Variants in PTPRD observed in about 807,000 individuals in gnomAD.
PTPRD encodes receptor-type tyrosine-protein phosphatase delta.
Under a neutral mutation model 214.5 loss-of-function variants are expected in PTPRD, and 34 were observed. The ratio of observed to expected loss-of-function variants is 0.16; its 90% CI spans 0.12 to 0.21. PTPRD has a LOEUF of 0.21. PTPRD is among the 10% of genes least tolerant of loss of function. The pLI is 1.00. For synonymous variants in PTPRD, 1,128 were observed against 845.7 expected, an observed-to-expected ratio of 1.33 and a Z score of -5.79; for missense variants, 2,545 against 2,398.7, an observed-to-expected ratio of 1.06 and a Z score of -1.27.
chr9:9,821,208 T>A (rs1254333277), intron 5 of PTPRD, among the ~76,000 whole-genome samples: 1 of 152,214 alleles, frequency 6.6e-6, no homozygotes, highest in Non-Finnish European at 1.5e-5. Context: ...GATTTGGCTC[T>A]CAACTTGAAG....
intron 3 of PTPRD, among the ~76,000 whole-genome samples, chr9:10,082,232 C>A (rs2098250702): frequency 6.6e-6 from 1 of 152,150 alleles, no homozygotes; most frequent in African/African-American, 2.4e-5. Flanking sequence ...AGGATGCAAA[C>A]ATAGTGTTTG....
intron 2 of PTPRD, among the ~76,000 whole-genome samples, chr9:10,343,647 T>C (rs182184523): frequency 2.6e-4 from 39 of 152,276 alleles, no homozygotes; most frequent in African/African-American, 8.9e-4. Flanking sequence ...TGTTGTTTCC[T>C]GACTTTTTAG....
chr9:9,142,966 T>C (rs1377929357), intron 10 of PTPRD, among the ~76,000 whole-genome samples: 3 of 152,062 alleles, frequency 2.0e-5, no homozygotes, highest in Admixed American at 6.6e-5. Context: ...CCAAAGACCC[T>C]ACCTGTACCC....
At chr9:10,402,283 A>C (rs2098281800) in intron 2 of PTPRD, among the ~76,000 whole-genome samples, 1 of 151,694 alleles carries the variant, frequency 6.6e-6, no homozygotes, top group South Asian at 2.1e-4. Context: ...GAACTGACAA[A>C]AATATTTATA....
chr9:9,341,047 A>G (rs770201592), intron 9 of PTPRD, among the ~76,000 whole-genome samples: 11 of 152,184 alleles, frequency 7.2e-5, no homozygotes, highest in Non-Finnish European at 1.5e-4. Flanking sequence ...TATGTTTTTA[A>G]GGAAATACAT....
intron 9 of PTPRD, among the ~76,000 whole-genome samples, chr9:9,316,542 C>CA (rs896839331): frequency 6.6e-6 from 1 of 152,076 alleles, no homozygotes; most frequent in Non-Finnish European, 1.5e-5. Flanking sequence ...CTCTTTGTGG[C>CA]ATGTACACAC....
At chr9:8,631,461 A>C (rs1225516431) in intron 14 of PTPRD, among the ~76,000 whole-genome samples, 3 of 151,704 alleles carry the variant, frequency 2.0e-5, no homozygotes, top group African/African-American at 7.3e-5. Flanking sequence ...CCATCTGGGT[A>C]TGAACAACCT....
At chr9:8,684,557 T>C (rs2097637768) in intron 12 of PTPRD, among the ~76,000 whole-genome samples, 2 of 152,138 alleles carry the variant, frequency 1.3e-5, no homozygotes, top group South Asian at 4.1e-4. Context: ...TCAGTAAAAC[T>C]AGCCTCACTC....
intron 3 of PTPRD, among the ~76,000 whole-genome samples, chr9:10,244,963 C>T (rs1448282239): frequency 6.6e-6 from 1 of 152,094 alleles, no homozygotes; most frequent in African/African-American, 2.4e-5. Flanking sequence ...AAACTCTTCT[C>T]ATTTTCCCAT....
chr9:9,522,057 T>G (rs1168303506), intron 8 of PTPRD, among the ~76,000 whole-genome samples: 1 of 147,826 alleles, frequency 6.8e-6, no homozygotes, highest in Non-Finnish European at 1.5e-5. Context: ...CTCGGGAGGC[T>G]GAGGCAGGAG....
At chr9:9,403,221 G>C (rs2071588786) in intron 8 of PTPRD, among the ~76,000 whole-genome samples, 2 of 144,022 alleles carry the variant, frequency 1.4e-5, no homozygotes, top group Admixed American at 7.2e-5. Context: ...CACTCAGGAG[G>C]CAGAGGTCTC....
intron 5 of PTPRD, among the ~76,000 whole-genome samples, chr9:9,795,588 G>T (rs1565327879): frequency 6.6e-6 from 1 of 152,138 alleles, no homozygotes; most frequent in African/African-American, 2.4e-5. Context: ...ATACATGCTA[G>T]ATAATGAAGC....
At position 10,566,483 on chromosome 9, in the gene PTPRD, A is replaced by C. The variant is rs571054245; in HGVS notation, c.-600+45915T>G. ...GGAATGTAATTTTTAAAACTTAAGT[A>C]GATTTTCATATGATAACTGGTTATT... On this transcript the variant is annotated intron_variant, in intron 2 of 45. Coordinates refer to ENST00000381196, the MANE Select transcript of PTPRD (RefSeq NM_002839.4). Among the ~76,000 whole-genome samples, 4 of 152,202 alleles carry C rather than the reference A, an allele frequency of 2.6e-5. No individual in the cohort carries two copies. In the South Asian group the frequency reaches 6.2e-4, roughly 24 times the overall value.
chr9:9,693,766 G>T (rs549443212), intron 7 of PTPRD, among the ~76,000 whole-genome samples: 12 of 152,078 alleles, frequency 7.9e-5, no homozygotes, highest in Non-Finnish European at 1.3e-4. Context: ...TCTTGTAGAT[G>T]TGCTTCATTT....
rs116123877 is a variant in PTPRD, at chr9:9,856,985, T to C, written c.-368+81522A>G. ...TTATTCTTAATGGACCAATGTATTA[T>C]TTTTCCTCTTTTTGACCTCTCAAGA... On this transcript the variant is annotated intron_variant, in intron 5 of 45. Coordinates refer to ENST00000381196, the MANE Select transcript of PTPRD (RefSeq NM_002839.4). 2.6e-3 allele frequency among the ~76,000 whole-genome samples: 392 copies of C among 152,336 alleles called. 3 individuals are homozygous for C. The highest frequency in any genetic ancestry group is 8.9e-3 in the African/African-American group (371 of 41,572).
chr9:10,596,685 G>A (rs1408987485), intron 2 of PTPRD, among the ~76,000 whole-genome samples: 2 of 151,562 alleles, frequency 1.3e-5, no homozygotes, highest in Admixed American at 6.6e-5. Context: ...GGTAGAATGT[G>A]AAAAATTAGA....
intron 4 of PTPRD, among the ~76,000 whole-genome samples, chr9:9,998,874 G>C (rs992020817): frequency 6.6e-6 from 1 of 152,168 alleles, no homozygotes; most frequent in Non-Finnish European, 1.5e-5. Context: ...TGGAAGAAAA[G>C]ACATTTTCTT....
chr9:8,893,420 C>G (rs750799763), intron 11 of PTPRD, among the ~76,000 whole-genome samples: 3 of 152,110 alleles, frequency 2.0e-5, no homozygotes, highest in Non-Finnish European at 4.4e-5. Flanking sequence ...AAACAGAAAG[C>G]GAAGTGACCA....
At chr9:9,359,728 T>C (rs2055268776) in intron 9 of PTPRD, among the ~76,000 whole-genome samples, 1 of 151,250 alleles carries the variant, frequency 6.6e-6, no homozygotes, top group Non-Finnish European at 1.5e-5. Context: ...TTAAATTCCA[T>C]TTGATGCTGA....
Sources: allele counts gnomAD v4.1 joint callset (sites outside exome capture counted in the v4.1 genomes callset), GRCh38; gene constraint gnomAD v4.1.1; transcripts MANE v1.5; gene names NCBI Gene and HGNC (gene_info 2026-07-23, HGNC 2026-07-21).